VOPP1: variants seen among roughly 807,000 people sequenced by gnomAD.
VOPP1 encodes the protein VOPP1 WW domain binding protein.
Under a neutral mutation model 23.5 loss-of-function variants are expected in VOPP1, and 8 were observed. That is an observed-to-expected ratio of 0.34 (90% CI 0.20 to 0.61). The LOEUF (loss-of-function observed/expected upper bound fraction) is 0.61, where lower values mean the gene tolerates loss of function less well. Among genes scored for constraint, VOPP1 ranks in the 20% least tolerant of loss-of-function variants. The pLI, the probability that VOPP1 is intolerant of heterozygous loss-of-function variation, is 0.78. For missense variants in VOPP1, 174 were observed against 238.1 expected (o/e 0.73, Z 1.77); for synonymous variants, 83 against 97.3 (o/e 0.85, Z 0.86).
At chr7:55,565,874 G>A (rs2129057196) in intron 1 of VOPP1, among the ~76,000 whole-genome samples, 1 of 152,266 alleles carries the variant, frequency 6.6e-6, no homozygotes, top group African/African-American at 2.4e-5. Context: ...TTCAATAAGT[G>A]CCAGTGGGGA....
At position 55,534,153 on chromosome 7, in the gene VOPP1, T is replaced by C. The variant is rs188426200; in HGVS notation, c.55-13023A>G. Among the ~76,000 whole-genome samples, 125 of 137,644 alleles carry C rather than the reference T, an allele frequency of 9.1e-4. 1 individual carries two copies. In the East Asian group the frequency reaches 0.025, roughly 27 times the overall value. The allele number at this position is 137,644 out of a possible 152,430, so 90.3% of individuals were successfully genotyped here. A position where few individuals can be genotyped will look rare whatever the true frequency, so the allele number is the denominator to read the frequency against. On this transcript the variant is annotated intron_variant, in intron 1 of 4. Coordinates refer to ENST00000285279, the MANE Select transcript of VOPP1 (RefSeq NM_030796.5). ...TAGCTTTTTTTTTTTTTTTACGAGA[T>C]GGAGAGAGAAAAGAATGGTAGCAGA... is the stretch of plus-strand genomic sequence containing the variant.
chr7:55,497,473 A>T, intron 3 of VOPP1, 140 bp downstream of exon 3: 1 of 715,550 alleles, frequency 1.4e-6, no homozygotes, highest in South Asian at 1.8e-5. Context: ...CAACCCAAAC[A>T]TACCCATTTT....
At chr7:55,552,724 C>A (rs1797661237) in intron 1 of VOPP1, 1 of 1,535,254 alleles carries the variant, frequency 6.5e-7, no homozygotes, top group African/African-American at 1.4e-5. Flanking sequence ...AGGCAGGAGT[C>A]TGGTCGCCAG....
intron 1 of VOPP1, among the ~76,000 whole-genome samples, chr7:55,525,021 A>G (rs7784706): frequency 0.34 from 52,239 of 151,854 alleles, 9,474 homozygotes; most frequent in African/African-American, 0.46. Flanking sequence ...GCAAGCGGGA[A>G]GAGGCAGAAA....
intron 4 of VOPP1, among the ~76,000 whole-genome samples, chr7:55,451,429 T>C (rs1453623486): frequency 6.6e-6 from 1 of 152,266 alleles, no homozygotes; most frequent in Non-Finnish European, 1.5e-5. Flanking sequence ...GTTTACATTA[T>C]ACTGTAGTCT....
At chr7:55,511,162 A>G (rs1795044835) in intron 2 of VOPP1, among the ~76,000 whole-genome samples, 1 of 152,260 alleles carries the variant, frequency 6.6e-6, no homozygotes, top group South Asian at 2.1e-4. Flanking sequence ...AGATGGAAAC[A>G]ATATGAACTC....
chr7:55,499,413 C>G (rs1020420785), intron 2 of VOPP1, among the ~76,000 whole-genome samples: 2 of 152,192 alleles, frequency 1.3e-5, no homozygotes, highest in African/African-American at 2.4e-5. Context: ...GATCGTGCCA[C>G]TTGCACTCCT....
At chr7:55,482,227 CTG>C (rs1398937392) in intron 4 of VOPP1, among the ~76,000 whole-genome samples, 2 of 151,950 alleles carry the variant, frequency 1.3e-5, no homozygotes, top group African/African-American at 4.8e-5. Flanking sequence ...GGACTGCAGA[CTG>C]TATATTTCTT....
chr7:55,561,786 G>C, intron 1 of VOPP1: 1 of 484,088 alleles, frequency 2.1e-6, no homozygotes, highest in Non-Finnish European at 3.8e-6. Flanking sequence ...TACAGTATCT[G>C]AGCTCAGAGC....
intron 4 of VOPP1, among the ~76,000 whole-genome samples, chr7:55,440,634 G>A (rs543846228): frequency 3.2e-4 from 48 of 152,294 alleles, no homozygotes; most frequent in Admixed American, 4.6e-4. Flanking sequence ...CCATTTGAGC[G>A]GCTGTCTCCT....
At chr7:55,468,557 G>A (rs769037743), downstream of VOPP1, among the ~76,000 whole-genome samples, 1 of 152,240 alleles carries the variant, frequency 6.6e-6, no homozygotes, top group Non-Finnish European at 1.5e-5. Context: ...GACACACCTC[G>A]GAGGGACCTG....
intron 2 of VOPP1, among the ~76,000 whole-genome samples, chr7:55,510,973 C>T (rs551849926): frequency 1.4e-4 from 21 of 152,270 alleles, no homozygotes; most frequent in African/African-American, 5.1e-4. Flanking sequence ...ACAGTTCTCA[C>T]CATGTGCAAT....
chr7:55,467,548 C>T (rs1426333982), downstream of VOPP1, among the ~76,000 whole-genome samples: 1 of 152,170 alleles, frequency 6.6e-6, no homozygotes, highest in Non-Finnish European at 1.5e-5. Flanking sequence ...CCTCCCTTCT[C>T]CTATTTCAAA....
At chr7:55,509,589 T>C (rs762755127) in intron 2 of VOPP1, among the ~76,000 whole-genome samples, 1 of 152,186 alleles carries the variant, frequency 6.6e-6, no homozygotes, top group East Asian at 1.9e-4. Flanking sequence ...ATTCAGACTA[T>C]AGCAGCTGGT....
chr7:55,546,352 C>T (rs1421965828), intron 1 of VOPP1, among the ~76,000 whole-genome samples: 2 of 152,124 alleles, frequency 1.3e-5, no homozygotes, highest in African/African-American at 4.8e-5. Context: ...AAGGGAAAGG[C>T]GGAATTATAT....
intron 2 of VOPP1, among the ~76,000 whole-genome samples, chr7:55,516,583 C>T (rs948690780): frequency 4.6e-5 from 7 of 152,106 alleles, no homozygotes; most frequent in Non-Finnish European, 2.9e-5. Flanking sequence ...AGGGAGAAGG[C>T]GGCTGCCACC....
intron 1 of VOPP1, chr7:55,552,662 C>A (rs1030536504): frequency 6.5e-7 from 1 of 1,535,950 alleles, no homozygotes; most frequent in African/African-American, 1.4e-5. Context: ...CCATATGACA[C>A]CGCCTTCCAA....
intron 2 of VOPP1, among the ~76,000 whole-genome samples, chr7:55,518,479 G>A (rs1449974869): frequency 2.0e-5 from 3 of 152,216 alleles, no homozygotes; most frequent in South Asian, 2.1e-4. Flanking sequence ...AGCACTCGCC[G>A]CGTGGTGGTT....
chr7:55,512,934 C>A (rs553726344), intron 2 of VOPP1, among the ~76,000 whole-genome samples: 6 of 152,234 alleles, frequency 3.9e-5, no homozygotes, highest in Admixed American at 1.3e-4. Context: ...AGTGGCCCAG[C>A]GGTGCTGGCT....
Sources: allele counts gnomAD v4.1 joint callset (sites outside exome capture counted in the v4.1 genomes callset), GRCh38; gene constraint gnomAD v4.1.1; transcripts MANE v1.5; gene names NCBI Gene and HGNC (gene_info 2026-07-23, HGNC 2026-07-21).